The following BCL2L14 variants were observed in gnomAD, a reference collection of about 807,000 sequenced individuals.
BCL2L14 encodes apoptosis facilitator Bcl-2-like protein 14.
A neutral mutation model predicts 35.3 loss-of-function variants in BCL2L14; 27 were observed. That is an observed-to-expected ratio of 0.76 (90% CI 0.56 to 1.05). The LOEUF (loss-of-function observed/expected upper bound fraction) is 1.05. Among genes scored for constraint, BCL2L14 ranks in the 50% least tolerant of loss-of-function variants. BCL2L14 has a pLI of 0.00. For synonymous variants in BCL2L14, 139 were observed against 145.9 expected (o/e 0.95, Z 0.34); for missense variants, 377 against 382.6 (o/e 0.99, Z 0.12).
At chr12:12,054,768 G>C (rs1412349389) in intron 2 of BCL2L14, 1 of 151,610 alleles carries the variant, frequency 6.6e-6, no homozygotes, top group Non-Finnish European at 1.5e-5. Flanking sequence ...GGCCAACAGG[G>C]TGAAACCCCA....
intron 2 of BCL2L14, among the ~76,000 whole-genome samples, chr12:12,082,283 G>A (rs372579544): frequency 3.9e-5 from 6 of 152,302 alleles, no homozygotes; most frequent in African/African-American, 1.4e-4. Context: ...GGCAGGTCTA[G>A]GGCAAGAGGG....
chr12:12,092,923 G>A (rs933977611), intron 4 of BCL2L14, among the ~76,000 whole-genome samples: 1 of 152,168 alleles, frequency 6.6e-6, no homozygotes, highest in African/African-American at 2.4e-5. Flanking sequence ...CTCTAGGACA[G>A]AACTAGAGGA....
At chr12:12,053,715 G>C (rs765020669) in intron 2 of BCL2L14, among the ~76,000 whole-genome samples, 9 of 152,022 alleles carry the variant, frequency 5.9e-5, no homozygotes, top group Non-Finnish European at 1.3e-4. Flanking sequence ...ATGCCCAGCC[G>C]GCAATATAAC....
At chr12:12,065,812 G>A (rs1486188423) in intron 2 of BCL2L14, among the ~76,000 whole-genome samples, 1 of 148,556 alleles carries the variant, frequency 6.7e-6, no homozygotes, top group Non-Finnish European at 1.5e-5. Context: ...TTTTTTTTGA[G>A]GCGAAGTCTC....
chr12:12,066,932 G>A (rs371775246), upstream of BCL2L14, among the ~76,000 whole-genome samples: 189 of 152,136 alleles, frequency 1.2e-3, 1 homozygote, highest in African/African-American at 4.3e-3. Flanking sequence ...GGATGGTCTC[G>A]ATCTCCTGAC....
chr12:12,054,953 A>AAG (rs1948409254), intron 2 of BCL2L14: 1 of 152,252 alleles, frequency 6.6e-6, no homozygotes, highest in South Asian at 2.1e-4. Context: ...ATCTCAAAAA[A>AAG]AAAAAAAAGA....
upstream of BCL2L14, among the ~76,000 whole-genome samples, chr12:12,069,370 A>G (rs1948630441): frequency 6.6e-6 from 1 of 151,976 alleles, no homozygotes; most frequent in Non-Finnish European, 1.5e-5. Context: ...AATTGTTTCC[A>G]GTGAATATAT....
At chr12:12,050,108 G>A (rs1948325545) in intron 1 of BCL2L14, among the ~76,000 whole-genome samples, 1 of 152,162 alleles carries the variant, frequency 6.6e-6, no homozygotes, top group Admixed American at 6.5e-5. Context: ...TGACCTCCCT[G>A]AGCAAGAACC....
At chr12:12,054,404 T>C (rs538131547) in intron 2 of BCL2L14, among the ~76,000 whole-genome samples, 32 of 151,116 alleles carry the variant, frequency 2.1e-4, no homozygotes, top group African/African-American at 7.8e-4. Flanking sequence ...CTTGGGAGGC[T>C]GAGGCAGGAG....
chr12:12,096,344 G>C (rs1949311123), intron 5 of BCL2L14, among the ~76,000 whole-genome samples: 1 of 148,656 alleles, frequency 6.7e-6, no homozygotes. Flanking sequence ...AAAAGCAGTG[G>C]TTCTACACCA....
intron 1 of BCL2L14, 176 bp downstream of exon 1, chr12:12,071,313 G>A (rs1399508537): frequency 1.3e-5 from 2 of 152,146 alleles, no homozygotes; most frequent in South Asian, 2.1e-4. Flanking sequence ...CTAGTTTAGC[G>A]GGGTTTCCAG....
At chr12:12,062,392 T>C (rs370494460) in intron 2 of BCL2L14, among the ~76,000 whole-genome samples, 1,942 of 143,410 alleles carry the variant, frequency 0.014, 57 homozygotes, top group African/African-American at 0.016. Context: ...CAGGCCTAAT[T>C]GCCACACACC....
intron 2 of BCL2L14, chr12:12,051,926 C>A (rs776879465): frequency 1.1e-4 from 16 of 152,094 alleles, no homozygotes; most frequent in Non-Finnish European, 1.8e-4. Flanking sequence ...CTTGGAGGAT[C>A]TGGAAAGGTT....
intron 2 of BCL2L14, among the ~76,000 whole-genome samples, chr12:12,061,498 A>T (rs1300194978): frequency 4.4e-5 from 1 of 22,920 alleles, no homozygotes; most frequent in African/African-American, 1.0e-4. Flanking sequence ...CTAGAACAAG[A>T]CAAGCCTTAC....
intron 1 of BCL2L14, among the ~76,000 whole-genome samples, chr12:12,051,248 C>T (rs1009363379): frequency 6.6e-6 from 1 of 152,180 alleles, no homozygotes; most frequent in Non-Finnish European, 1.5e-5. Context: ...AAGAATGAAC[C>T]TAAGCCAGAC....
intron 2 of BCL2L14, among the ~76,000 whole-genome samples, chr12:12,056,209 GGTCC>G (rs56318129): frequency 0.62 from 93,906 of 151,554 alleles, 29,896 homozygotes; most frequent in East Asian, 0.78. Flanking sequence ...CTATTGCAGT[GGTCC>G]GTCCCTACAC....
At chr12:12,090,703 C>A in intron 3 of BCL2L14, 76 bp from the exon 4 acceptor site, 2 of 1,125,366 alleles carry the variant, frequency 1.8e-6, no homozygotes, top group Admixed American at 1.9e-5. Context: ...AAGCCACAAG[C>A]ATTCATTGTC....
upstream of BCL2L14, among the ~76,000 whole-genome samples, chr12:12,067,799 T>C (rs899173805): frequency 6.6e-6 from 1 of 152,220 alleles, no homozygotes; most frequent in African/African-American, 2.4e-5. Flanking sequence ...ATCTAACATG[T>C]GTTGTGACCT....
intron 1 of BCL2L14, among the ~76,000 whole-genome samples, chr12:12,075,166 A>T (rs1340433426): frequency 6.6e-6 from 1 of 151,816 alleles, no homozygotes; most frequent in Non-Finnish European, 1.5e-5. Context: ...TGTGTCACCC[A>T]GGCTGGAGTG....
Sources: allele counts gnomAD v4.1 joint callset (sites outside exome capture counted in the v4.1 genomes callset), GRCh38; gene constraint gnomAD v4.1.1; transcripts MANE v1.5; gene names NCBI Gene and HGNC (gene_info 2026-07-23, HGNC 2026-07-21).